Variants in SLC35D1 observed in about 807,000 individuals in gnomAD.
SLC35D1 encodes the protein solute carrier family 35 member D1, also known as nucleotide sugar transporter SLC35D1.
Under a neutral mutation model 46.7 loss-of-function variants are expected in SLC35D1, and 31 were observed. That is an observed-to-expected ratio of 0.66 (90% CI 0.50 to 0.90). SLC35D1 has a LOEUF of 0.90. Ranked by LOEUF, SLC35D1 falls within the 40% of genes least tolerant of loss-of-function variation. The pLI is 0.00. For synonymous variants in SLC35D1, 195 were observed against 164.6 expected (o/e 1.18, Z -1.41); for missense variants, 397 against 426.2 (o/e 0.93, Z 0.60).
At chr1:67,043,391 A>AG (rs1423662262) in intron 7 of SLC35D1, among the ~76,000 whole-genome samples, 2 of 151,736 alleles carry the variant, frequency 1.3e-5, no homozygotes, top group African/African-American at 4.9e-5. Context: ...AGAAAAAAAA[A>AG]TTAGCCAGGA....
chr1:67,045,912 T>C (rs982813092), intron 7 of SLC35D1, among the ~76,000 whole-genome samples: 2 of 152,184 alleles, frequency 1.3e-5, no homozygotes, highest in Admixed American at 6.5e-5. Context: ...ATGTCATTAA[T>C]AGTATCTATT....
chr1:67,021,704 C>CAA, intron 8 of SLC35D1, 102 bp from the exon 9 acceptor site: 1 of 302,032 alleles, frequency 3.3e-6, no homozygotes, highest in Non-Finnish European at 6.2e-6. Flanking sequence ...AACACAGACA[C>CAA]AGACACAGAC....
At chr1:66,985,631 AAGCGTGT>A in the SLC35D1 span, 2 of 984,940 alleles carry the variant, frequency 2.0e-6, no homozygotes, top group African/African-American at 3.5e-5. Flanking sequence ...CTTAATACAA[AAGCGTGT>A]ATAATTTTCT....
chr1:66,993,902 A>C, the SLC35D1 span, among the ~76,000 whole-genome samples: 23 of 152,360 alleles, frequency 1.5e-4, no homozygotes, highest in African/African-American at 5.3e-4. Flanking sequence ...AACATAAGTT[A>C]GTCACCTCAA....
downstream of SLC35D1, among the ~76,000 whole-genome samples, chr1:66,996,548 C>T (rs961998580): frequency 6.6e-6 from 1 of 152,178 alleles, no homozygotes; most frequent in African/African-American, 2.4e-5. Context: ...CTGTAGATGC[C>T]AGGCCTCTAG....
intron 10 of SLC35D1, among the ~76,000 whole-genome samples, chr1:67,010,951 G>A (rs917608544): frequency 1.3e-5 from 2 of 152,126 alleles, no homozygotes; most frequent in African/African-American, 4.8e-5. Context: ...TCCAGATCTA[G>A]GAAACACTAA....
At chr1:67,020,474 C>T (rs1269944996) in intron 9 of SLC35D1, 27 bp from the exon 10 acceptor site, 11 of 1,499,760 alleles carry the variant, frequency 7.3e-6, no homozygotes, top group African/African-American at 2.8e-5. Flanking sequence ...GGTATAAAAT[C>T]CAGTTTCTCA....
chr1:67,046,808 CA>C (rs1042243407), intron 7 of SLC35D1, among the ~76,000 whole-genome samples: 1 of 152,150 alleles, frequency 6.6e-6, no homozygotes, highest in African/African-American at 2.4e-5. Context: ...CTAAGAGAGA[CA>C]GAGATACTAA....
intron 11 of SLC35D1, among the ~76,000 whole-genome samples, chr1:67,007,710 T>C (rs1667480997): frequency 6.6e-6 from 1 of 152,054 alleles, no homozygotes; most frequent in African/African-American, 2.4e-5. Context: ...TATAATTTGC[T>C]CTCTAGCAGC....
At chr1:67,048,398 G>A (rs539304163) in intron 6 of SLC35D1, among the ~76,000 whole-genome samples, 15 of 152,278 alleles carry the variant, frequency 9.9e-5, no homozygotes, top group African/African-American at 3.6e-4. Flanking sequence ...AAGACTAGCA[G>A]GGCACCTCTA....
At chr1:66,990,190 T>C in the SLC35D1 span, among the ~76,000 whole-genome samples, 1 of 152,224 alleles carries the variant, frequency 6.6e-6, no homozygotes, top group African/African-American at 2.4e-5. Flanking sequence ...GCCTCCTTTG[T>C]TGTCTTATGC....
chr1:67,023,971 G>A (rs1396948882), intron 8 of SLC35D1, among the ~76,000 whole-genome samples: 1 of 147,870 alleles, frequency 6.8e-6, no homozygotes, highest in African/African-American at 2.5e-5. Context: ...TTAAGACAGA[G>A]TCTCACTATG....
intron 10 of SLC35D1, 53 bp from the exon 11 acceptor site, chr1:67,009,220 A>C (rs1667515178): frequency 1.5e-6 from 1 of 648,590 alleles, no homozygotes; most frequent in African/African-American, 1.8e-5. Context: ...GAGCTTCTTA[A>C]ATATATATAA....
chr1:67,052,301 AAG>A (rs1307937877), intron 3 of SLC35D1, among the ~76,000 whole-genome samples: 1 of 152,228 alleles, frequency 6.6e-6, no homozygotes, highest in Non-Finnish European at 1.5e-5. Flanking sequence ...GCAGGGAGAA[AAG>A]ACAGAAATAT....
At chr1:67,046,175 AAACT>A (rs1558166192) in intron 7 of SLC35D1, among the ~76,000 whole-genome samples, 1 of 152,174 alleles carries the variant, frequency 6.6e-6, no homozygotes, top group East Asian at 1.9e-4. Context: ...AAAAAAAAAT[AAACT>A]ATCTGCAAAA....
chr1:67,042,945 C>G (rs1645210770), intron 7 of SLC35D1, among the ~76,000 whole-genome samples: 1 of 152,138 alleles, frequency 6.6e-6, no homozygotes. Context: ...CGCCTGTAAT[C>G]CCAGCACTTT....
At chr1:66,995,382 G>A (rs1667227678), downstream of SLC35D1, among the ~76,000 whole-genome samples, 1 of 127,296 alleles carries the variant, frequency 7.9e-6, no homozygotes, top group Non-Finnish European at 1.6e-5. Flanking sequence ...TACTGCAGCT[G>A]GTGTGATCTT....
intron 11 of SLC35D1, among the ~76,000 whole-genome samples, chr1:67,008,769 G>A (rs1325172137): frequency 6.6e-6 from 1 of 151,954 alleles, no homozygotes; most frequent in Non-Finnish European, 1.5e-5. Context: ...CCACGCCCAG[G>A]TAATTTTGTC....
At chr1:66,985,043 A>G in the SLC35D1 span, 1 of 1,380,224 alleles carries the variant, frequency 7.2e-7, no homozygotes, top group Non-Finnish European at 9.4e-7. Flanking sequence ...ATGAGGTTTC[A>G]TAATTCTGCC....
Sources: allele counts gnomAD v4.1 joint callset (sites outside exome capture counted in the v4.1 genomes callset), GRCh38; gene constraint gnomAD v4.1.1; transcripts MANE v1.5; gene names NCBI Gene and HGNC (gene_info 2026-07-23, HGNC 2026-07-21).